The following WDR70 variants were observed in gnomAD, a reference collection of about 807,000 sequenced individuals.
The protein encoded by WDR70 is WD repeat-containing protein 70.
A neutral mutation model predicts 88.6 loss-of-function variants in WDR70; 53 were observed. That is an observed-to-expected ratio of 0.60 (90% confidence interval 0.48 to 0.75). The LOEUF is 0.75. WDR70 is among the 30% of genes least tolerant of loss of function. The pLI is 0.00. For missense variants in WDR70, 610 were observed against 823.2 expected (o/e 0.74, Z 3.17); for synonymous variants, 280 against 270.0 (o/e 1.04, Z -0.36).
chr5:37,578,802 T>G (rs1199121323), intron 9 of WDR70, among the ~76,000 whole-genome samples: 1 of 152,168 alleles, frequency 6.6e-6, no homozygotes, highest in African/African-American at 2.4e-5. Context: ...GGGAGTGTAA[T>G]ACACTCAAAC....
At chr5:37,507,950 C>T (rs867513036) in intron 8 of WDR70, among the ~76,000 whole-genome samples, 20 of 151,824 alleles carry the variant, frequency 1.3e-4, no homozygotes, top group African/African-American at 4.4e-4. Context: ...TTTTACAATC[C>T]GAATGCCTTT....
chr5:37,663,721 C>T (rs999872811), intron 10 of WDR70, among the ~76,000 whole-genome samples: 1 of 152,080 alleles, frequency 6.6e-6, no homozygotes, highest in African/African-American at 2.4e-5. Context: ...TATCTCTGTG[C>T]GCATACTGCT....
intron 10 of WDR70, among the ~76,000 whole-genome samples, chr5:37,665,630 G>C (rs1010050963): frequency 6.6e-6 from 1 of 152,196 alleles, no homozygotes; most frequent in Admixed American, 6.5e-5. Flanking sequence ...ACATTTTGAT[G>C]CTTGACCTTG....
chr5:37,710,264 C>T (rs907147118), intron 13 of WDR70, among the ~76,000 whole-genome samples: 3 of 152,186 alleles, frequency 2.0e-5, no homozygotes, highest in East Asian at 3.9e-4. Flanking sequence ...GTTTTTAACA[C>T]ATGTATGGAT....
chr5:37,415,198 A>G (rs1013835173), intron 5 of WDR70, among the ~76,000 whole-genome samples: 6 of 151,922 alleles, frequency 3.9e-5, no homozygotes, highest in East Asian at 3.9e-4. Context: ...ACACAGACAC[A>G]GCAACCATCC....
intron 8 of WDR70, among the ~76,000 whole-genome samples, chr5:37,480,623 A>G (rs925763861): frequency 2.0e-5 from 3 of 152,196 alleles, no homozygotes; most frequent in African/African-American, 7.2e-5. Flanking sequence ...AACTGCCTCC[A>G]TGATTCAATT....
At chr5:37,420,475 T>C (rs1423552542) in intron 5 of WDR70, among the ~76,000 whole-genome samples, 1 of 152,222 alleles carries the variant, frequency 6.6e-6, no homozygotes, top group African/African-American at 2.4e-5. Flanking sequence ...ATTCTTGCTC[T>C]GTTGCCCAGG....
chr5:37,531,973 C>T (rs924033607), intron 9 of WDR70, among the ~76,000 whole-genome samples: 1 of 152,120 alleles, frequency 6.6e-6, no homozygotes, highest in African/African-American at 2.4e-5. Context: ...ATTCTCTCAG[C>T]ATTTTTTTAT....
At chr5:37,428,365 A>T (rs1216586599) in intron 5 of WDR70, among the ~76,000 whole-genome samples, 1 of 152,244 alleles carries the variant, frequency 6.6e-6, no homozygotes, top group African/African-American at 2.4e-5. Flanking sequence ...AATCACTACT[A>T]CAATCAAGAT....
chr5:37,604,160 T>G (rs1743966382), intron 9 of WDR70, among the ~76,000 whole-genome samples: 1 of 152,248 alleles, frequency 6.6e-6, no homozygotes, highest in Non-Finnish European at 1.5e-5. Context: ...TTATTCTACC[T>G]ATGTCTTTTA....
intron 9 of WDR70, among the ~76,000 whole-genome samples, chr5:37,528,467 C>T (rs981611044): frequency 7.9e-5 from 12 of 151,752 alleles, no homozygotes; most frequent in South Asian, 6.3e-4. Flanking sequence ...CATCACACAC[C>T]GGGGCCTGTT....
chr5:37,567,576 A>G (rs1461591848), intron 9 of WDR70, among the ~76,000 whole-genome samples: 1 of 152,044 alleles, frequency 6.6e-6, no homozygotes, highest in Non-Finnish European at 1.5e-5. Flanking sequence ...GATGCATTGT[A>G]TTGCTGTGTC....
Position 37,396,434 on chromosome 5 carries a change from G to A in WDR70, c.356G>A (p.Gly119Asp), listed in dbSNP as rs61742650. ...GACTCTTCTGATGATGAGTTAATTG[G>A]CCCTCCTTTACCCCCTAAAATGGTA... is the stretch of plus-strand genomic sequence containing the variant. ...SSDSSDDELI[G>D]PPLPPKMVGK... Residue 119 changes from glycine (G) to aspartate (D), a missense_variant, in exon 5 of 18, where the codon GGC becomes GAC. This residue lies in a region of WDR70 where 203 missense variants were observed against 228.1 expected (regional missense o/e 0.89). Coordinates refer to ENST00000265107, the MANE Select transcript of WDR70 (RefSeq NM_018034.4). 764 of 1,613,864 alleles carry A rather than the reference G, an allele frequency of 4.7e-4. 2 individuals carry two copies. Among genetic ancestry groups the A allele is most frequent in the Middle Eastern group, 1.8e-3 (11 of 6,062 alleles).
At chr5:37,469,477 A>G (rs117378825) in intron 7 of WDR70, among the ~76,000 whole-genome samples, 1,672 of 152,358 alleles carry the variant, frequency 0.011, 40 homozygotes, top group East Asian at 0.069. Context: ...AAAAATGTAC[A>G]GAGGAAACAG....
chr5:37,600,990 G>A (rs1581426451), intron 9 of WDR70, among the ~76,000 whole-genome samples: 1 of 152,152 alleles, frequency 6.6e-6, no homozygotes, highest in South Asian at 2.1e-4. Context: ...ACAAAAAACA[G>A]AGACAATTTC....
chr5:37,504,455 T>C (rs2112227346), intron 8 of WDR70, among the ~76,000 whole-genome samples: 2 of 152,314 alleles, frequency 1.3e-5, no homozygotes, highest in East Asian at 3.9e-4. Context: ...TCTGCAGTTT[T>C]AGGTTATTTC....
intron 8 of WDR70, among the ~76,000 whole-genome samples, chr5:37,496,463 C>T (rs1406153540): frequency 6.6e-6 from 1 of 152,258 alleles, no homozygotes; most frequent in East Asian, 1.9e-4. Flanking sequence ...GAACAAACTC[C>T]GGACACACCA....
intron 4 of WDR70, among the ~76,000 whole-genome samples, chr5:37,392,718 C>G (rs1308971226): frequency 6.6e-6 from 1 of 152,056 alleles, no homozygotes; most frequent in African/African-American, 2.4e-5. Context: ...GATCTGGGCT[C>G]ACTGCAACCT....
intron 9 of WDR70, among the ~76,000 whole-genome samples, chr5:37,521,227 T>C (rs1435985683): frequency 1.3e-5 from 2 of 152,238 alleles, no homozygotes; most frequent in Admixed American, 1.3e-4. Flanking sequence ...CTGTGTAAAT[T>C]AGAAGTTTGA....
Sources: gnomAD v4.1 joint callset for allele counts (sites outside exome capture counted in the v4.1 genomes callset) on GRCh38, gnomAD v4.1.1 for gene constraint, gnomAD v4.1.1 regional missense constraint, MANE v1.5 for transcripts, NCBI Gene and HGNC (gene_info 2026-07-23, HGNC 2026-07-21) for gene names.